The following CSMD3 variants were observed in gnomAD, a reference collection of about 807,000 sequenced individuals.
CSMD3 encodes CUB and Sushi multiple domains 3.
Under a neutral mutation model 435.2 loss-of-function variants are expected in CSMD3, and 177 were observed. The observed-to-expected ratio is 0.41, with a 90% CI of 0.36 to 0.46. The LOEUF (loss-of-function observed/expected upper bound fraction) is 0.46. CSMD3 is among the 20% of genes least tolerant of loss of function. The pLI is 0.34. For missense variants in CSMD3, 4,265 were observed against 4,504.6 expected (o/e 0.95, Z 1.52); for synonymous variants, 1,656 against 1,520.5 (o/e 1.09, Z -2.07).
intron 70 of CSMD3, among the ~76,000 whole-genome samples, chr8:112,225,298 T>A (rs1812463797): frequency 6.6e-6 from 1 of 152,110 alleles, no homozygotes; most frequent in South Asian, 2.1e-4. Context: ...CACCAAATAT[T>A]TACTGAACAT....
intron 32 of CSMD3, among the ~76,000 whole-genome samples, chr8:112,451,801 G>A (rs1586369665): frequency 2.6e-5 from 4 of 152,156 alleles, no homozygotes; most frequent in African/African-American, 7.2e-5. Flanking sequence ...GCCTCCCAAA[G>A]TGCTGGGATT....
At chr8:112,731,443 T>A (rs2077072741) in intron 13 of CSMD3, among the ~76,000 whole-genome samples, 1 of 152,184 alleles carries the variant, frequency 6.6e-6, no homozygotes, top group African/African-American at 2.4e-5. Context: ...GTATGGATTT[T>A]CATGCTAGCA....
chr8:113,433,190 T>G (rs2094685487), intron 1 of CSMD3, among the ~76,000 whole-genome samples: 2 of 152,128 alleles, frequency 1.3e-5, no homozygotes, highest in South Asian at 4.1e-4. Context: ...TTTGTCTAGG[T>G]GGGTTTTTGT....
chr8:112,625,551 T>A (rs1046083837), intron 22 of CSMD3, among the ~76,000 whole-genome samples: 28 of 152,212 alleles, frequency 1.8e-4, no homozygotes, highest in African/African-American at 6.7e-4. Context: ...CAAAAAGATA[T>A]AGTAAAATGC....
intron 17 of CSMD3, among the ~76,000 whole-genome samples, chr8:112,660,890 A>G (rs1349521980): frequency 3.9e-5 from 6 of 152,204 alleles, no homozygotes; most frequent in Non-Finnish European, 8.8e-5. Flanking sequence ...AGAAGCCATG[A>G]GATTATAATT....
intron 16 of CSMD3, among the ~76,000 whole-genome samples, chr8:112,668,335 CA>C (rs2075574801): frequency 6.6e-6 from 1 of 152,052 alleles, no homozygotes; most frequent in African/African-American, 2.4e-5. Context: ...CAGAAAGCCC[CA>C]AAATACAGAG....
At chr8:112,447,359 C>T (rs1815722248) in intron 32 of CSMD3, among the ~76,000 whole-genome samples, 1 of 152,106 alleles carries the variant, frequency 6.6e-6, no homozygotes, top group Non-Finnish European at 1.5e-5. Context: ...AATTCATGGC[C>T]TATTTTGCTT....
chr8:113,207,558 T>C (rs1409668723), intron 3 of CSMD3, among the ~76,000 whole-genome samples: 1 of 151,868 alleles, frequency 6.6e-6, no homozygotes, highest in Non-Finnish European at 1.5e-5. Flanking sequence ...AATTTTTGTA[T>C]TTTTAGTAGA....
intron 1 of CSMD3, among the ~76,000 whole-genome samples, chr8:113,373,735 T>C (rs753523260): frequency 3.9e-5 from 6 of 152,102 alleles, no homozygotes; most frequent in Non-Finnish European, 8.8e-5. Context: ...CTAGGGTATT[T>C]ATCACATATT....
chr8:112,487,939 A>T, intron 31 of CSMD3, among the ~76,000 whole-genome samples: 1 of 152,210 alleles, frequency 6.6e-6, no homozygotes, highest in East Asian at 1.9e-4. Context: ...GATACTTTTT[A>T]AAGTAAGAAA....
chr8:113,179,445 A>C (rs909295528), intron 3 of CSMD3, among the ~76,000 whole-genome samples: 1 of 151,770 alleles, frequency 6.6e-6, no homozygotes. Context: ...TAAAAATAGT[A>C]ATTTAGTCAA....
At chr8:113,130,014 TATC>T (rs1174143791) in intron 4 of CSMD3, among the ~76,000 whole-genome samples, 4 of 151,938 alleles carry the variant, frequency 2.6e-5, no homozygotes, top group Non-Finnish European at 5.9e-5. Flanking sequence ...TGAATAATAC[TATC>T]ATATTATTAT....
chr8:112,953,221 C>T (rs1442974629), intron 8 of CSMD3, among the ~76,000 whole-genome samples: 1 of 151,408 alleles, frequency 6.6e-6, no homozygotes, highest in Non-Finnish European at 1.5e-5. Context: ...GTAAACATAA[C>T]ATTTAATTTT....
rs757604631 is a variant in CSMD3 at position 112,656,280 on chromosome 8, G to T, written c.2878C>A (p.Pro960Thr). 3 of 1,613,324 alleles carry T rather than the reference G, an allele frequency of 1.9e-6. No individual in the cohort carries two copies. Among genetic ancestry groups the T allele is most frequent in the Non-Finnish European group, 2.5e-6 (3 of 1,179,568 alleles). ...GTGCCATTGTAAGATCCAAGCAAGG[G>T]TGACAGAAGATTTGGCCCATCATGA... ...EVHDGPNLLS[P>T]LLGSYNGTQV... The change falls in exon 18 of 71, where the codon CCC (proline) becomes ACC (threonine). Residue 960 changes from proline to threonine, a missense_variant. This residue lies in a region of CSMD3 where 3,255 missense variants were observed against 3,380.2 expected (regional missense o/e 0.96). Coordinates refer to ENST00000297405, the MANE Select transcript of CSMD3 (RefSeq NM_198123.2).
intron 7 of CSMD3, among the ~76,000 whole-genome samples, chr8:112,972,623 T>C (rs568538744): frequency 6.6e-6 from 1 of 152,114 alleles, no homozygotes; most frequent in South Asian, 2.1e-4. Flanking sequence ...TCTTTAATAC[T>C]GAAATATGTA....
At chr8:112,802,674 T>C (rs545365533) in intron 12 of CSMD3, among the ~76,000 whole-genome samples, 1 of 151,906 alleles carries the variant, frequency 6.6e-6, no homozygotes, top group South Asian at 2.1e-4. Flanking sequence ...CCCAACTACT[T>C]GGTAAAGAGG....
chr8:113,433,103 C>T (rs1203297648), intron 1 of CSMD3, among the ~76,000 whole-genome samples: 1 of 152,122 alleles, frequency 6.6e-6, no homozygotes, highest in Non-Finnish European at 1.5e-5. Context: ...GGAGGGGGCC[C>T]TGACTCAAAT....
chr8:112,582,620 G>A (rs544883022), intron 23 of CSMD3, among the ~76,000 whole-genome samples: 3 of 151,990 alleles, frequency 2.0e-5, no homozygotes, highest in Admixed American at 6.6e-5. Context: ...AAAAGGTTTA[G>A]AGCCAAAGCA....
At chr8:112,288,880 A>T (rs929341285) in intron 57 of CSMD3, among the ~76,000 whole-genome samples, 2 of 152,132 alleles carry the variant, frequency 1.3e-5, no homozygotes, top group African/African-American at 4.8e-5. Flanking sequence ...AATGAATTAG[A>T]TTAGTTCAAT....
Sources: gnomAD v4.1 joint callset for allele counts (sites outside exome capture counted in the v4.1 genomes callset) on GRCh38, gnomAD v4.1.1 for gene constraint, gnomAD v4.1.1 regional missense constraint, MANE v1.5 for transcripts, NCBI Gene and HGNC (gene_info 2026-07-23, HGNC 2026-07-21) for gene names.